The following CERS6 variants were observed in gnomAD, a reference collection of about 807,000 sequenced individuals.
CERS6 encodes ceramide synthase 6.
Under a neutral mutation model 56.8 loss-of-function variants are expected in CERS6, and 26 were observed. The ratio of observed to expected loss-of-function variants is 0.46; its 90% confidence interval spans 0.34 to 0.63. The LOEUF (loss-of-function observed/expected upper bound fraction) is 0.63. CERS6 is among the 30% of genes least tolerant of loss of function. The pLI is 0.01. For synonymous variants in CERS6, 164 were observed against 173.3 expected (o/e 0.95, Z 0.42); for missense variants, 415 against 467.5 (o/e 0.89, Z 1.04).
intron 3 of CERS6, among the ~76,000 whole-genome samples, chr2:168,599,548 G>T (rs1025918999): frequency 5.3e-5 from 8 of 152,174 alleles, no homozygotes; most frequent in Non-Finnish European, 1.0e-4. Context: ...ATCTTGTCCT[G>T]AAAGACTTCT....
At chr2:168,723,828 A>G (rs891170811) in intron 8 of CERS6, among the ~76,000 whole-genome samples, 1 of 152,216 alleles carries the variant, frequency 6.6e-6, no homozygotes, top group African/African-American at 2.4e-5. Context: ...ATGTGTCTGT[A>G]TTTCCTGTTC....
intron 8 of CERS6, among the ~76,000 whole-genome samples, chr2:168,726,140 G>C (rs1683344673): frequency 1.3e-5 from 2 of 152,122 alleles, no homozygotes; most frequent in South Asian, 4.2e-4. Flanking sequence ...ATTATAAATG[G>C]TCTCATGTCC....
At chr2:168,670,966 T>TGGGGGGG (rs1685893976) in intron 4 of CERS6, among the ~76,000 whole-genome samples, 1 of 30,570 alleles carries the variant, frequency 3.3e-5, no homozygotes, top group Non-Finnish European at 1.3e-4. Flanking sequence ...GATACATGCT[T>TGGGGGGG]CCCCCCCCCC....
At chr2:168,583,614 C>T (rs1041517578) in intron 3 of CERS6, among the ~76,000 whole-genome samples, 3 of 152,086 alleles carry the variant, frequency 2.0e-5, no homozygotes, top group Non-Finnish European at 2.9e-5. Flanking sequence ...AAATGCCATC[C>T]CTTAATATTG....
intron 8 of CERS6, among the ~76,000 whole-genome samples, chr2:168,720,397 T>A (rs1687331937): frequency 6.6e-6 from 1 of 152,232 alleles, no homozygotes; most frequent in Non-Finnish European, 1.5e-5. Flanking sequence ...CGTGCCTAGC[T>A]TATTGGACAG....
chr2:168,731,389 A>G (rs1053080427), intron 8 of CERS6, among the ~76,000 whole-genome samples: 1 of 152,192 alleles, frequency 6.6e-6, no homozygotes, highest in African/African-American at 2.4e-5. Flanking sequence ...TTGACTAATA[A>G]TAAATGAACA....
chr2:168,631,425 A>G (rs1227312205), intron 4 of CERS6, among the ~76,000 whole-genome samples: 2 of 131,972 alleles, frequency 1.5e-5, no homozygotes, highest in Non-Finnish European at 3.1e-5. Context: ...TTATGTAAAT[A>G]TATGTAAATA....
At chr2:168,560,116 G>A (rs1456882841) in intron 2 of CERS6, among the ~76,000 whole-genome samples, 1 of 152,128 alleles carries the variant, frequency 6.6e-6, no homozygotes, top group Admixed American at 6.6e-5. Context: ...AATCATGGCG[G>A]AAGGTGAAAG....
chr2:168,562,804 CT>C (rs1470979051), intron 3 of CERS6, among the ~76,000 whole-genome samples: 1 of 152,180 alleles, frequency 6.6e-6, no homozygotes, highest in African/African-American at 2.4e-5. Context: ...GCAAAGCCCT[CT>C]CAATAAATGA....
intron 1 of CERS6, among the ~76,000 whole-genome samples, chr2:168,470,839 T>A (rs998324387): frequency 1.2e-4 from 19 of 152,204 alleles, no homozygotes; most frequent in African/African-American, 4.3e-4. Flanking sequence ...AGCTTACTTT[T>A]GCTAGCATTA....
At chr2:168,625,693 G>A (rs1309724181) in intron 3 of CERS6, among the ~76,000 whole-genome samples, 1 of 152,148 alleles carries the variant, frequency 6.6e-6, no homozygotes, top group Non-Finnish European at 1.5e-5. Flanking sequence ...TGGCTTTATG[G>A]AACAACTAGA....
intron 1 of CERS6, among the ~76,000 whole-genome samples, chr2:168,497,487 C>A (rs1295462027): frequency 1.3e-5 from 2 of 152,146 alleles, no homozygotes; most frequent in African/African-American, 4.8e-5. Context: ...CATAGGTGAG[C>A]TTGCATGTAG....
chr2:168,493,994 A>C (rs1331879431), intron 1 of CERS6, among the ~76,000 whole-genome samples: 1 of 151,976 alleles, frequency 6.6e-6, no homozygotes, highest in East Asian at 1.9e-4. Flanking sequence ...TCTGTCTTTC[A>C]CCTCTTCTTG....
chr2:168,501,737 A>C (rs1694584184), intron 1 of CERS6, among the ~76,000 whole-genome samples: 1 of 152,188 alleles, frequency 6.6e-6, no homozygotes. Flanking sequence ...AGAGGACTGC[A>C]AGTGATAGGC....
intron 6 of CERS6, among the ~76,000 whole-genome samples, chr2:168,699,738 A>G (rs914733619): frequency 1.3e-5 from 2 of 152,160 alleles, no homozygotes; most frequent in Non-Finnish European, 2.9e-5. Context: ...GTGATGAGAA[A>G]TACTATTAAT....
At chr2:168,720,831 G>A (rs1687346382) in intron 8 of CERS6, among the ~76,000 whole-genome samples, 2 of 152,148 alleles carry the variant, frequency 1.3e-5, no homozygotes. Context: ...AGAAGTATTT[G>A]GAGTGGCTCT....
chr2:168,660,904 A>G (rs1306605911), intron 4 of CERS6, among the ~76,000 whole-genome samples: 1 of 152,202 alleles, frequency 6.6e-6, no homozygotes, highest in Non-Finnish European at 1.5e-5. Context: ...CTTTGGATGC[A>G]TTGAAATGTG....
At chr2:168,654,140 T>C (rs1164880901) in intron 4 of CERS6, among the ~76,000 whole-genome samples, 1 of 152,196 alleles carries the variant, frequency 6.6e-6, no homozygotes, top group East Asian at 1.9e-4. Flanking sequence ...CTATAGAATA[T>C]TAGGTAAAAT....
chr2:168,761,065 TGTTTATTA>T (rs1684568182), intron 8 of CERS6, among the ~76,000 whole-genome samples: 1 of 152,186 alleles, frequency 6.6e-6, no homozygotes, highest in Non-Finnish European at 1.5e-5. Flanking sequence ...CCGGGTTTAC[TGTTTATTA>T]GAGTCCAGGT....
Sources: allele counts gnomAD v4.1 joint callset (sites outside exome capture counted in the v4.1 genomes callset), GRCh38; gene constraint gnomAD v4.1.1; transcripts MANE v1.5; gene names NCBI Gene and HGNC (gene_info 2026-07-23, HGNC 2026-07-21).